Variants in MCC observed in about 807,000 individuals in gnomAD.
MCC encodes colorectal mutant cancer protein.
A neutral mutation model predicts 116.2 loss-of-function variants in MCC; 90 were observed. The observed-to-expected ratio is 0.77, with a 90% CI of 0.65 to 0.92. The LOEUF (loss-of-function observed/expected upper bound fraction) is 0.92. Among genes scored for constraint, MCC ranks in the 40% least tolerant of loss-of-function variants. MCC has a pLI of 0.00. For synonymous variants in MCC, 578 were observed against 510.5 expected (o/e 1.13, Z -1.78); for missense variants, 1,516 against 1,312.2 (o/e 1.16, Z -2.40).
chr5:113,281,385 A>G (rs909754438), intron 3 of MCC, among the ~76,000 whole-genome samples: 1 of 152,198 alleles, frequency 6.6e-6, no homozygotes, highest in African/African-American at 2.4e-5. Context: ...CACTGATAAA[A>G]CCTTATCTCC....
At chr5:113,419,478 T>C (rs2150406459) in intron 1 of MCC, among the ~76,000 whole-genome samples, 1 of 152,116 alleles carries the variant, frequency 6.6e-6, no homozygotes, top group South Asian at 2.1e-4. Flanking sequence ...ATTACGGGTG[T>C]AAGCCACCAT....
chr5:113,398,756 T>C (rs1769600717), intron 1 of MCC, among the ~76,000 whole-genome samples: 1 of 152,234 alleles, frequency 6.6e-6, no homozygotes, highest in Non-Finnish European at 1.5e-5. Context: ...ATGGGTTCAA[T>C]TGTATCCCAA....
At chr5:113,466,792 TC>T (rs1771922838) in intron 1 of MCC, among the ~76,000 whole-genome samples, 1 of 151,992 alleles carries the variant, frequency 6.6e-6, no homozygotes, top group Non-Finnish European at 1.5e-5. Context: ...GAGTTTACAG[TC>T]CCACCAACAG....
chr5:113,154,816 T>C (rs1385859534), intron 3 of MCC, among the ~76,000 whole-genome samples: 1 of 152,226 alleles, frequency 6.6e-6, no homozygotes, highest in Non-Finnish European at 1.5e-5. Flanking sequence ...TTTTGATGCA[T>C]GCATACAATG....
intron 2 of MCC, among the ~76,000 whole-genome samples, chr5:113,353,226 C>A (rs1353100): frequency 6.6e-6 from 1 of 151,884 alleles, no homozygotes; most frequent in Non-Finnish European, 1.5e-5. Context: ...ACTGAGTTCT[C>A]GAACAAATGA....
intron 3 of MCC, among the ~76,000 whole-genome samples, chr5:113,280,508 G>C (rs1195882503): frequency 1.3e-5 from 2 of 152,156 alleles, no homozygotes; most frequent in Non-Finnish European, 2.9e-5. Context: ...CTGTATTATA[G>C]AATTCTAAGT....
chr5:113,071,028 T>C (rs1753998995), intron 12 of MCC, 66 bp downstream of exon 12: 1 of 1,543,788 alleles, frequency 6.5e-7, no homozygotes, highest in African/African-American at 1.4e-5. Context: ...CCTACTTTTA[T>C]TCTGAAGGTT....
At chr5:113,281,852 T>G (rs1766058520) in intron 3 of MCC, among the ~76,000 whole-genome samples, 1 of 152,212 alleles carries the variant, frequency 6.6e-6, no homozygotes, top group South Asian at 2.1e-4. Context: ...CAAATATAGC[T>G]ACTAATGCTT....
chr5:113,484,043 G>C (rs960455932), intron 1 of MCC, among the ~76,000 whole-genome samples: 3 of 152,162 alleles, frequency 2.0e-5, no homozygotes, highest in Admixed American at 6.5e-5. Flanking sequence ...GGGCCTATCA[G>C]AGGGTGGAAG....
At chr5:113,482,011 T>C (rs1422235602) in intron 1 of MCC, among the ~76,000 whole-genome samples, 1 of 152,210 alleles carries the variant, frequency 6.6e-6, no homozygotes, top group Non-Finnish European at 1.5e-5. Flanking sequence ...TGAAATAATA[T>C]AATATGTGGC....
At chr5:113,039,031 TGC>T (rs1258876816) in intron 17 of MCC, among the ~76,000 whole-genome samples, 1 of 152,148 alleles carries the variant, frequency 6.6e-6, no homozygotes, top group Non-Finnish European at 1.5e-5. Flanking sequence ...CGCTGACTCC[TGC>T]AGGTAGTATG....
chr5:113,064,538 A>T (rs1034568473), intron 13 of MCC, among the ~76,000 whole-genome samples: 1 of 152,134 alleles, frequency 6.6e-6, no homozygotes, highest in African/African-American at 2.4e-5. Flanking sequence ...TCCTCTGTGC[A>T]TTGGCACTTC....
At position 113,334,567 on chromosome 5, in the gene MCC, A is replaced by G. The variant is rs1365893674; in HGVS notation, c.627+5952T>C. On this transcript the variant is annotated intron_variant, in intron 3 of 18. Coordinates refer to ENST00000408903, the MANE Select transcript of MCC (RefSeq NM_001085377.2). ...AATCAGTCTCAATCACTTGGAAGTGACAATTCAAGGTTCTGATTTCTGATT... is the reference window on the plus strand; with the variant it reads ...AATCAGTCTCAATCACTTGGAAGTGGCAATTCAAGGTTCTGATTTCTGATT... Among the ~76,000 whole-genome samples, 4 of 148,980 alleles carry G rather than the reference A, an allele frequency of 2.7e-5. No homozygotes were observed. The South Asian group carries it at 8.4e-4, about 31-fold the overall frequency.
intron 4 of MCC, among the ~76,000 whole-genome samples, chr5:113,148,471 G>T (rs1240013471): frequency 2.6e-5 from 4 of 152,138 alleles, no homozygotes; most frequent in African/African-American, 9.7e-5. Context: ...AGCTCTCTTG[G>T]TAATGTCTGT....
At chr5:113,416,625 T>C (rs1191198521) in intron 1 of MCC, among the ~76,000 whole-genome samples, 1 of 152,170 alleles carries the variant, frequency 6.6e-6, no homozygotes, top group Admixed American at 6.5e-5. Context: ...TGGACAACCA[T>C]TAAAAGGGTT....
chr5:113,397,173 C>T (rs1048042341), intron 1 of MCC, among the ~76,000 whole-genome samples: 1 of 152,030 alleles, frequency 6.6e-6, no homozygotes, highest in Non-Finnish European at 1.5e-5. Context: ...TCCAACATTA[C>T]CTAAACAAAC....
chr5:113,464,177 T>A (rs1771833152), intron 1 of MCC, among the ~76,000 whole-genome samples: 1 of 152,150 alleles, frequency 6.6e-6, no homozygotes, highest in Non-Finnish European at 1.5e-5. Context: ...TTGAGGAGTT[T>A]ATGAGAAGCA....
intron 5 of MCC, among the ~76,000 whole-genome samples, chr5:113,131,919 T>C (rs1228382742): frequency 2.0e-5 from 3 of 152,172 alleles, no homozygotes; most frequent in Non-Finnish European, 4.4e-5. Flanking sequence ...CTTTAGCTAC[T>C]CAGTGACCAA....
intron 11 of MCC, among the ~76,000 whole-genome samples, chr5:113,071,575 C>T (rs969551241): frequency 1.3e-5 from 2 of 152,172 alleles, no homozygotes; most frequent in East Asian, 1.9e-4. Context: ...TCATGTGGAA[C>T]GTCTGGTGGG....
Sources: allele counts gnomAD v4.1 joint callset (sites outside exome capture counted in the v4.1 genomes callset), GRCh38; gene constraint gnomAD v4.1.1; transcripts MANE v1.5; gene names NCBI Gene and HGNC (gene_info 2026-07-23, HGNC 2026-07-21).